PARD3: variants seen among roughly 807,000 people sequenced by gnomAD.
The protein encoded by PARD3 is par-3 family cell polarity regulator, also known as partitioning defective 3 homolog.
Under a neutral mutation model 155.4 loss-of-function variants are expected in PARD3, and 75 were observed. That is an observed-to-expected ratio of 0.48 (90% CI 0.40 to 0.58). The LOEUF (loss-of-function observed/expected upper bound fraction) is 0.58. Among genes scored for constraint, PARD3 ranks in the 20% least tolerant of loss-of-function variants. The probability of loss-of-function intolerance (pLI) is 0.00; values close to 1 mark genes in which losing one functional copy is unlikely to be tolerated. For missense variants in PARD3, 1,642 were observed against 1,721.7 expected (o/e 0.95, Z 0.82); for synonymous variants, 576 against 610.5 (o/e 0.94, Z 0.83).
intron 20 of PARD3, among the ~76,000 whole-genome samples, chr10:34,293,366 C>T (rs1472641496): frequency 6.6e-6 from 1 of 151,958 alleles, no homozygotes; most frequent in Non-Finnish European, 1.5e-5. Context: ...TTATACCTAC[C>T]CAGGTAATCA....
intron 2 of PARD3, among the ~76,000 whole-genome samples, chr10:34,563,866 T>A (rs1304714101): frequency 1.3e-5 from 2 of 152,092 alleles, no homozygotes; most frequent in African/African-American, 2.4e-5. Context: ...TTAGAAAAAA[T>A]TTTGCTAGTA....
At chr10:34,480,965 A>G (rs900745597) in intron 3 of PARD3, among the ~76,000 whole-genome samples, 4 of 151,450 alleles carry the variant, frequency 2.6e-5, no homozygotes, top group African/African-American at 9.7e-5. Context: ...CCACATCTGC[A>G]TAATTTTTGT....
chr10:34,300,281 A>T (rs1957085857), intron 20 of PARD3, among the ~76,000 whole-genome samples: 1 of 152,220 alleles, frequency 6.6e-6, no homozygotes, highest in Non-Finnish European at 1.5e-5. Context: ...CTGGAAATGT[A>T]TGTGAGTACA....
intron 3 of PARD3, among the ~76,000 whole-genome samples, chr10:34,512,915 G>A (rs897259822): frequency 6.6e-5 from 10 of 152,014 alleles, no homozygotes; most frequent in African/African-American, 1.9e-4. Context: ...CAATACCAAC[G>A]ACAAACAGTT....
intron 22 of PARD3, among the ~76,000 whole-genome samples, chr10:34,212,753 TG>T (rs1564487081): frequency 6.6e-6 from 1 of 152,094 alleles, no homozygotes; most frequent in East Asian, 1.9e-4. Context: ...GAGTTCAACC[TG>T]GTCAGAAAAC....
rs16935311 is a variant in PARD3, at chr10:34,312,244, G to A, written c.3065+4863C>T. ...ACTGCTGATGTCGTAAACAAAATTC[G>A]TCAACAGCCACTAAGAATTCATTAA... On this transcript the variant is annotated intron_variant, in intron 20 of 24. Transcript: ENST00000374788. 223 of 1,572,922 alleles carry A rather than the reference G, an allele frequency of 1.4e-4. No individual in the cohort carries two copies. The East Asian group carries it at 2.7e-3, about 19-fold the overall frequency.
At chr10:34,260,426 G>A (rs1359651276) in intron 22 of PARD3, among the ~76,000 whole-genome samples, 1 of 152,190 alleles carries the variant, frequency 6.6e-6, no homozygotes, top group African/African-American at 2.4e-5. Flanking sequence ...AGACTGTTTA[G>A]AGAGCTGGCC....
At chr10:34,460,038 T>C (rs1478827615) in intron 4 of PARD3, among the ~76,000 whole-genome samples, 2 of 152,174 alleles carry the variant, frequency 1.3e-5, no homozygotes, top group African/African-American at 4.8e-5. Flanking sequence ...AATCTTATCC[T>C]ACATATTGTT....
chr10:34,680,167 A>G (rs1282831319), intron 2 of PARD3, among the ~76,000 whole-genome samples: 3 of 152,198 alleles, frequency 2.0e-5, no homozygotes, highest in Non-Finnish European at 4.4e-5. Context: ...TACTATGAAT[A>G]CCTGCAATAC....
At chr10:34,662,574 T>TA (rs1275721354) in intron 2 of PARD3, among the ~76,000 whole-genome samples, 2 of 152,020 alleles carry the variant, frequency 1.3e-5, no homozygotes, top group African/African-American at 2.4e-5. Context: ...TATTCAGCCA[T>TA]AAAAAAGAAT....
intron 1 of PARD3, among the ~76,000 whole-genome samples, chr10:34,798,608 G>A (rs1321891948): frequency 1.3e-5 from 2 of 151,474 alleles, no homozygotes; most frequent in African/African-American, 4.9e-5. Context: ...AGGAAGCTGA[G>A]GCAGGAGAGT....
intron 12 of PARD3, among the ~76,000 whole-genome samples, chr10:34,369,905 G>A (rs936695082): frequency 4.6e-5 from 7 of 152,206 alleles, no homozygotes; most frequent in Non-Finnish European, 1.0e-4. Context: ...AATAAAAAGA[G>A]CAAAAGCCTA....
chr10:34,305,650 C>G (rs980958767), intron 20 of PARD3, among the ~76,000 whole-genome samples: 18 of 152,206 alleles, frequency 1.2e-4, no homozygotes, highest in African/African-American at 4.3e-4. Flanking sequence ...ATCTGGTAAT[C>G]ATAATTATCT....
At chr10:34,531,847 A>T (rs926672976) in intron 2 of PARD3, among the ~76,000 whole-genome samples, 6 of 152,338 alleles carry the variant, frequency 3.9e-5, no homozygotes, top group South Asian at 2.1e-4. Flanking sequence ...ATTAAACATG[A>T]TGAAAAATGC....
intron 2 of PARD3, among the ~76,000 whole-genome samples, chr10:34,618,976 T>C (rs1251161412): frequency 2.0e-5 from 3 of 152,178 alleles, no homozygotes; most frequent in Admixed American, 6.5e-5. Context: ...TTCTTAGAAA[T>C]TAGCTTTCAC....
chr10:34,775,564 C>A lies in PARD3; in HGVS notation c.120+39312G>T, dbSNP rs149383100. On this transcript the variant is annotated intron_variant, in intron 1 of 24. Coordinates refer to ENST00000374788, the MANE Select transcript of PARD3 (RefSeq NM_001184785.2). The stretch of plus-strand genomic sequence containing the variant: ...CCTTACAGGACCAAGCCTGGGCAGG[C>A]AAGCAGAATGCAAGGCTGCCAGTTC... Among the ~76,000 whole-genome samples the A allele has an allele frequency of 7.1e-3, 1,076 of 152,142 alleles. 13 individuals carry two copies. The highest frequency in any genetic ancestry group is 0.025 in the African/African-American group (1,047 of 41,516).
At chr10:34,516,852 G>T in intron 3 of PARD3, 127 bp downstream of exon 3, 1 of 826,884 alleles carries the variant, frequency 1.2e-6, no homozygotes, top group Non-Finnish European at 1.9e-6. Context: ...CATTTGCCTG[G>T]GTCCTAAACT....
At chr10:34,404,543 T>A (rs1304960016) in intron 5 of PARD3, among the ~76,000 whole-genome samples, 2 of 151,970 alleles carry the variant, frequency 1.3e-5, no homozygotes, top group African/African-American at 4.8e-5. Flanking sequence ...CTATATAGTA[T>A]CAATTTAAAC....
chr10:34,400,112 G>A (rs1369825701), intron 6 of PARD3, among the ~76,000 whole-genome samples: 1 of 152,148 alleles, frequency 6.6e-6, no homozygotes, highest in East Asian at 1.9e-4. Flanking sequence ...GGCATCTACT[G>A]CAAATCAAAT....
Sources: gnomAD v4.1 joint callset for allele counts (sites outside exome capture counted in the v4.1 genomes callset) on GRCh38, gnomAD v4.1.1 for gene constraint, MANE v1.5 for transcripts, NCBI Gene and HGNC (gene_info 2026-07-23, HGNC 2026-07-21) for gene names.